Variants in SPATS2L observed in about 807,000 individuals in gnomAD.
The protein encoded by SPATS2L is spermatogenesis associated serine rich 2 like.
Under a neutral mutation model 59.6 loss-of-function variants are expected in SPATS2L, and 30 were observed. That is an observed-to-expected ratio of 0.50 (90% confidence interval 0.38 to 0.68). The LOEUF (loss-of-function observed/expected upper bound fraction) is 0.68, where lower values mean the gene tolerates loss of function less well. Ranked by LOEUF, SPATS2L falls within the 30% of genes least tolerant of loss-of-function variation. The pLI is 0.00. For missense variants in SPATS2L, 615 were observed against 700.0 expected (o/e 0.88, Z 1.37); for synonymous variants, 252 against 263.5 (o/e 0.96, Z 0.42).
intron 10 of SPATS2L, among the ~76,000 whole-genome samples, chr2:200,467,700 A>T (rs1485330679): frequency 6.6e-6 from 1 of 152,156 alleles, no homozygotes; most frequent in Non-Finnish European, 1.5e-5. Flanking sequence ...GGGATGGGGG[A>T]TATTATTTTC....
chr2:200,357,953 T>G (rs1210491331), intron 2 of SPATS2L, among the ~76,000 whole-genome samples: 2 of 152,210 alleles, frequency 1.3e-5, no homozygotes, highest in African/African-American at 4.8e-5. Flanking sequence ...TGGGAGAGAC[T>G]TGCTTAACCA....
intron 1 of SPATS2L, among the ~76,000 whole-genome samples, chr2:200,321,657 AC>A (rs950492166): frequency 1.1e-4 from 17 of 152,254 alleles, no homozygotes; most frequent in Admixed American, 1.1e-3. Flanking sequence ...AAAGAACACC[AC>A]AGCTGATATC....
intron 2 of SPATS2L, among the ~76,000 whole-genome samples, chr2:200,383,033 A>G (rs557330355): frequency 2.6e-5 from 4 of 152,220 alleles, no homozygotes; most frequent in African/African-American, 9.6e-5. Context: ...CGGTTTTGCT[A>G]GTGCACGTCC....
intron 1 of SPATS2L, among the ~76,000 whole-genome samples, chr2:200,321,941 C>G (rs2079573078): frequency 6.6e-6 from 1 of 152,148 alleles, no homozygotes; most frequent in South Asian, 2.1e-4. Context: ...GTGTTTGAAG[C>G]CAGCGTCAGA....
chr2:200,470,466 T>A (rs2086942445), intron 11 of SPATS2L, among the ~76,000 whole-genome samples: 2 of 152,214 alleles, frequency 1.3e-5, no homozygotes. Context: ...CGGTTCTCTG[T>A]GCTGAGTGAG....
At chr2:200,424,618 C>T (rs908750085) in intron 6 of SPATS2L, among the ~76,000 whole-genome samples, 1 of 152,192 alleles carries the variant, frequency 6.6e-6, no homozygotes, top group African/African-American at 2.4e-5. Flanking sequence ...AAATGTTCCT[C>T]CTGCCCTATG....
At chr2:200,405,094 C>T (rs760761715) in intron 3 of SPATS2L, among the ~76,000 whole-genome samples, 1 of 152,138 alleles carries the variant, frequency 6.6e-6, no homozygotes, top group Non-Finnish European at 1.5e-5. Flanking sequence ...AGGCCATGGA[C>T]GTCTTTGAGG....
intron 1 of SPATS2L, among the ~76,000 whole-genome samples, chr2:200,309,988 T>G (rs1354190790): frequency 2.6e-5 from 4 of 152,214 alleles, no homozygotes; most frequent in Non-Finnish European, 5.9e-5. Context: ...CTCTACAACT[T>G]ATGTAATTTT....
At chr2:200,456,831 G>T (rs1431667516) in intron 8 of SPATS2L, among the ~76,000 whole-genome samples, 2 of 152,094 alleles carry the variant, frequency 1.3e-5, no homozygotes, top group African/African-American at 4.8e-5. Context: ...TAAACCCAGG[G>T]ACTCTATTTA....
chr2:200,309,073 A>G (rs1384766637), intron 1 of SPATS2L: 2 of 718,048 alleles, frequency 2.8e-6, no homozygotes, highest in Non-Finnish European at 5.2e-6. Flanking sequence ...GAAGCATTTT[A>G]TGGACCCGTT....
At chr2:200,449,678 A>G (rs2085306840) in intron 8 of SPATS2L, among the ~76,000 whole-genome samples, 2 of 152,240 alleles carry the variant, frequency 1.3e-5, no homozygotes, top group African/African-American at 4.8e-5. Context: ...GGTCTTTTAA[A>G]AAATATATAT....
intron 2 of SPATS2L, among the ~76,000 whole-genome samples, chr2:200,385,841 C>T (rs575824822): frequency 1.2e-4 from 18 of 152,122 alleles, no homozygotes; most frequent in Middle Eastern, 3.4e-3. Context: ...TACAGGCGCC[C>T]GCCACCACAC....
intron 2 of SPATS2L, among the ~76,000 whole-genome samples, chr2:200,337,690 A>G (rs1240570573): frequency 1.3e-5 from 2 of 152,192 alleles, no homozygotes; most frequent in African/African-American, 4.8e-5. Context: ...CGGGAGATGC[A>G]ATTTAAAACG....
At chr2:200,430,523 A>AT (rs555181471) in intron 6 of SPATS2L, among the ~76,000 whole-genome samples, 10 of 151,870 alleles carry the variant, frequency 6.6e-5, no homozygotes, top group Admixed American at 2.0e-4. Context: ...AGATATGTAG[A>AT]TTTTTTTTAA....
At chr2:200,394,646 C>T (rs1326123433) in intron 3 of SPATS2L, among the ~76,000 whole-genome samples, 2 of 152,114 alleles carry the variant, frequency 1.3e-5, no homozygotes, top group Admixed American at 1.3e-4. Context: ...ACTTCATTTC[C>T]CATTTACGAT....
chr2:200,396,486 A>G (rs2082358684), intron 3 of SPATS2L, among the ~76,000 whole-genome samples: 1 of 152,102 alleles, frequency 6.6e-6, no homozygotes. Context: ...ATTTTTAATT[A>G]TTTTTGAATA....
chr2:200,387,349 G>A (rs1314157971), intron 2 of SPATS2L, among the ~76,000 whole-genome samples: 6 of 152,212 alleles, frequency 3.9e-5, no homozygotes, highest in Admixed American at 2.6e-4. Context: ...GAGCATTTGG[G>A]AAAGCGCTGC....
intron 2 of SPATS2L, chr2:200,384,160 G>C: frequency 4.1e-6 from 1 of 244,264 alleles, no homozygotes; most frequent in East Asian, 1.8e-4. Flanking sequence ...AGACATATTT[G>C]CCAGAATGTC....
At chr2:200,439,985 A>G (rs2084579293) in intron 7 of SPATS2L, among the ~76,000 whole-genome samples, 1 of 152,010 alleles carries the variant, frequency 6.6e-6, no homozygotes, top group South Asian at 2.1e-4. Context: ...CTTTGGTTTG[A>G]TCTACTTTCT....
Sources: gnomAD v4.1 joint callset for allele counts (sites outside exome capture counted in the v4.1 genomes callset) on GRCh38, gnomAD v4.1.1 for gene constraint, MANE v1.5 for transcripts, NCBI Gene and HGNC (gene_info 2026-07-23, HGNC 2026-07-21) for gene names.